The following ZNF485 variants were observed in gnomAD, a reference collection of about 807,000 sequenced individuals.
ZNF485 encodes Zinc finger protein 93 (Zinc finger protein HTF34).
A neutral mutation model predicts 10.8 loss-of-function variants in ZNF485; 9 were observed. The ratio of observed to expected loss-of-function variants is 0.83; its 90% CI spans 0.50 to 1.45. The LOEUF (loss-of-function observed/expected upper bound fraction) is 1.45, where lower values mean the gene tolerates loss of function less well. Ranked by LOEUF, ZNF485 falls within the 40% of genes most tolerant of loss-of-function variation. The pLI is 0.00. For synonymous variants in ZNF485, 187 were observed against 181.0 expected, an observed-to-expected ratio of 1.03 and a Z score of -0.27; for missense variants, 487 against 528.0, an observed-to-expected ratio of 0.92 and a Z score of 0.76.
intron 3 of ZNF485, 69 bp from the exon 4 acceptor site, chr10:43,609,186 A>C: frequency 7.4e-6 from 9 of 1,222,032 alleles, no homozygotes; most frequent in South Asian, 1.3e-5. Flanking sequence ...TTGTGCTTGT[A>C]ACCGCCATCA....
At position 43,616,577 on chromosome 10, in the gene ZNF485, G is replaced by A. The variant is rs1209433995; in HGVS notation, c.534G>A (p.Lys178=). 1 of 1,614,186 alleles carries A rather than the reference G, an allele frequency of 6.2e-7. No individual in the cohort carries two copies. The highest frequency in any genetic ancestry group is 2.2e-5 in the East Asian group (1 of 44,880). Residue 178 remains lysine (K), a synonymous_variant, in exon 5 of 5, where the codon AAG becomes AAA. Coordinates refer to ENST00000361807, the MANE Select transcript of ZNF485 (RefSeq NM_145312.4). The part of the protein sequence containing the change: ...MNSSSLLNHH[K]VHAGKQPYRC... ...GTTCATCCCTTTTAAATCACCATAA[G>A]GTTCATGCAGGCAAACAGCCTTATA...
intron 4 of ZNF485, among the ~76,000 whole-genome samples, chr10:43,614,501 G>C (rs1838820966): frequency 6.6e-6 from 1 of 151,988 alleles, no homozygotes; most frequent in Admixed American, 6.6e-5. Context: ...ATGTTGCCCA[G>C]GTGGTGGGTC....
chr10:43,606,973 T>C lies in ZNF485; in HGVS notation c.-54-24T>C. 3 of 1,539,226 alleles carry C rather than the reference T, an allele frequency of 1.9e-6. No individual in the cohort carries two copies. In the South Asian group the frequency reaches 3.6e-5, roughly 18 times the overall value. ...TAGGCTAGGGCACGGAGGGACTTCC[T>C]CAATTTCCTCTCTTCTTTCCCAGAT... On this transcript the variant is annotated intron_variant, in intron 1 of 4. Coordinates refer to ENST00000361807, the MANE Select transcript of ZNF485 (RefSeq NM_145312.4).
chr10:43,614,791 G>T (rs924117607), intron 4 of ZNF485, among the ~76,000 whole-genome samples: 6 of 151,374 alleles, frequency 4.0e-5, no homozygotes, highest in African/African-American at 9.7e-5. Context: ...TTATTATTTG[G>T]TTTTTATGTT....
chr10:43,611,656 T>C (rs182476713), intron 4 of ZNF485, among the ~76,000 whole-genome samples: 6 of 152,228 alleles, frequency 3.9e-5, no homozygotes, highest in Non-Finnish European at 8.8e-5. Flanking sequence ...TTATAGCTTG[T>C]CAGCAGTGTC....
At chr10:43,608,403 G>T (rs1169494038) in intron 2 of ZNF485, among the ~76,000 whole-genome samples, 54 of 152,194 alleles carry the variant, frequency 3.5e-4, no homozygotes, top group Non-Finnish European at 1.5e-5. Context: ...GTGAGCAGAG[G>T]CTAGGCCTGG....
chr10:43,606,501 C>G lies in ZNF485; in HGVS notation c.-100C>G. Reference sequence around the variant, plus strand: ...CTGTCCGAACGGCGTGGTGTGGTCGCTGACTCTCTGGGCGTGCAGCTCCGC... The same window carrying G: ...CTGTCCGAACGGCGTGGTGTGGTCGGTGACTCTCTGGGCGTGCAGCTCCGC... On this transcript the variant is annotated 5_prime_UTR_variant, in exon 1 of 5. Coordinates refer to ENST00000361807, the MANE Select transcript of ZNF485 (RefSeq NM_145312.4). The G allele has an allele frequency of 2.7e-6, 1 of 368,098 alleles. No individual in the cohort carries two copies. The highest frequency in any genetic ancestry group is 5.1e-6 in the Non-Finnish European group (1 of 195,966). 22.8% of individuals were successfully genotyped at this position (368,098 alleles called of 1,614,324 possible).
chr10:43,606,713 A>G (rs1278717039), intron 1 of ZNF485, 167 bp downstream of exon 1: 1 of 441,742 alleles, frequency 2.3e-6, no homozygotes, highest in Non-Finnish European at 4.1e-6. Context: ...CGACCGCTCG[A>G]GGCTGGTGCA....
rs1455592239 is a variant in ZNF485 at position 43,616,812 on chromosome 10, C to G, written c.769C>G (p.Leu257Val). The G allele has an allele frequency of 3.7e-6, 6 of 1,614,112 alleles. No homozygotes were observed. Among genetic ancestry groups the G allele is most frequent in the Non-Finnish European group, 5.1e-6 (6 of 1,179,996 alleles). The change falls in exon 5 of 5, where the codon CTT becomes GTT. Residue 257 changes from leucine (L) to valine (V), a missense_variant. Physicochemically the swap from Leu to Val is conservative, Grantham distance 32 (BLOSUM62 1). Transcript: ENST00000361807. The stretch of plus-strand genomic sequence containing the variant: ...GAAAGCCTTCGCTCAGAATGCAGCT[C>G]TTACTCGTCATGAAAGAATACATAG... ...CGKAFAQNAALTRHERIHSGE... is the reference protein window; with the variant it reads ...CGKAFAQNAAVTRHERIHSGE...
At chr10:43,610,774 CT>C (rs1339701936) in intron 4 of ZNF485, among the ~76,000 whole-genome samples, 2 of 152,080 alleles carry the variant, frequency 1.3e-5, no homozygotes, top group East Asian at 1.9e-4. Context: ...GTTAGACATG[CT>C]TATGGTACCA....
chr10:43,612,742 C>T (rs185888067), intron 4 of ZNF485, among the ~76,000 whole-genome samples: 4 of 152,138 alleles, frequency 2.6e-5, no homozygotes, highest in Non-Finnish European at 1.5e-5. Flanking sequence ...CCTATATTTT[C>T]CTATTTCCCC....
intron 1 of ZNF485, 26 bp from the exon 2 acceptor site, chr10:43,606,971 C>A (rs1434108673): frequency 5.2e-6 from 8 of 1,533,542 alleles, no homozygotes; most frequent in Middle Eastern, 1.7e-4. Flanking sequence ...GGAGGGACTT[C>A]CTCAATTTCC....
chr10:43,616,317 A>T lies in ZNF485; in HGVS notation c.274A>T (p.Met92Leu), dbSNP rs1215867146. 1 of 1,571,018 alleles carries T rather than the reference A, an allele frequency of 6.4e-7. No individual in the cohort carries two copies. Among genetic ancestry groups the T allele is most frequent in the Non-Finnish European group, 8.6e-7 (1 of 1,162,558 alleles). Residue 92 changes from methionine to leucine, a missense_variant, in exon 5 of 5, where the codon ATG becomes TTG. Physicochemically the swap from Met to Leu is conservative, Grantham distance 15. Transcript: ENST00000361807. ...AVEDYWFETK[M>L]SALKQSTSEA... ...CGAGGATTACTGGTTTGAAACAAAG[A>T]TGTCAGCCCTAAAGCAAAGCACTTC...
chr10:43,614,458 C>T (rs1396950254), intron 4 of ZNF485, among the ~76,000 whole-genome samples: 1 of 151,892 alleles, frequency 6.6e-6, no homozygotes, highest in African/African-American at 2.4e-5. Flanking sequence ...TAATTCAAAA[C>T]ATGTTTTTTT....
At chr10:43,609,791 G>A (rs997054585) in intron 4 of ZNF485, among the ~76,000 whole-genome samples, 1 of 152,086 alleles carries the variant, frequency 6.6e-6, no homozygotes, top group Non-Finnish European at 1.5e-5. Context: ...TCCTGCCTCA[G>A]GCCCCTGAGT....
chr10:43,610,733 T>TTG (rs902262876), intron 4 of ZNF485, among the ~76,000 whole-genome samples: 1 of 152,210 alleles, frequency 6.6e-6, no homozygotes, highest in Non-Finnish European at 1.5e-5. Flanking sequence ...ATGTTTTTTT[T>TTG]TGTGTGTGTA....
At position 43,617,679 on chromosome 10, in the gene ZNF485, C is replaced by G. The variant is rs1014709770; in HGVS notation, c.*310C>G. The G allele has an allele frequency of 1.7e-5, 4 of 237,046 alleles. No individual in the cohort carries two copies. Among genetic ancestry groups the G allele is most frequent in the African/African-American group, 6.7e-5 (3 of 44,674 alleles). The allele number at this position is 237,046 out of a possible 1,614,324, so 14.7% of individuals were successfully genotyped here. Reference sequence around the variant, plus strand: ...GAGGCTGAGACAGGATTGCTTAAGCCCAGGAGTTTGAGTCTGTAATGCACT... The same window carrying G: ...GAGGCTGAGACAGGATTGCTTAAGCGCAGGAGTTTGAGTCTGTAATGCACT... On this transcript the variant is annotated 3_prime_UTR_variant, in exon 5 of 5. Coordinates refer to ENST00000361807, the MANE Select transcript of ZNF485 (RefSeq NM_145312.4).
At chr10:43,610,198 C>G (rs1838743300) in intron 4 of ZNF485, among the ~76,000 whole-genome samples, 2 of 152,084 alleles carry the variant, frequency 1.3e-5, no homozygotes, top group Admixed American at 6.5e-5. Context: ...GTCCTTTGCT[C>G]TTGGCTCTCA....
chr10:43,611,574 T>A (rs1235838538), intron 4 of ZNF485, among the ~76,000 whole-genome samples: 2 of 152,194 alleles, frequency 1.3e-5, no homozygotes, highest in East Asian at 3.9e-4. Flanking sequence ...CCACCAAATT[T>A]GGTGGGTATT....
Sources: allele counts gnomAD v4.1 joint callset (sites outside exome capture counted in the v4.1 genomes callset), GRCh38; gene constraint gnomAD v4.1.1; transcripts MANE v1.5; gene names NCBI Gene and HGNC (gene_info 2026-07-23, HGNC 2026-07-21).